PAPPA: variants seen among roughly 807,000 people sequenced by gnomAD.
The protein encoded by PAPPA is pappalysin-1.
Under a neutral mutation model 164.0 loss-of-function variants are expected in PAPPA, and 60 were observed. The observed-to-expected ratio is 0.37, with a 90% CI of 0.30 to 0.45. The LOEUF (loss-of-function observed/expected upper bound fraction) is 0.45. Among genes scored for constraint, PAPPA ranks in the 20% least tolerant of loss-of-function variants. PAPPA has a pLI of 1.00. For missense variants in PAPPA, 1,782 were observed against 2,087.3 expected (o/e 0.85, Z 2.85); for synonymous variants, 875 against 814.1 (o/e 1.07, Z -1.27).
chr9:116,154,730 CG>C lies in PAPPA; in HGVS notation c.415+146del. 2.6e-6 allele frequency: 2 copies of C among 764,250 alleles called. No individual in the cohort carries two copies. The highest frequency in any genetic ancestry group is 1.6e-6 in the Non-Finnish European group (1 of 620,814). The allele number at this position is 764,250 out of a possible 1,614,324, so 47.3% of individuals were successfully genotyped here. Reference sequence around the variant, plus strand: ...GCCCCGCGAGCGGCGCAGAGACATCCGGGCGAGCTGAGAGCCTCACTTTGCT... The same window carrying C: ...GCCCCGCGAGCGGCGCAGAGACATCCGGCGAGCTGAGAGCCTCACTTTGCT... On this transcript the variant is annotated intron_variant, in intron 1 of 21. Coordinates refer to ENST00000328252, the MANE Select transcript of PAPPA (RefSeq NM_002581.5). The surrounding 1 kb of genome is among the most constrained non-coding windows in gnomAD (Gnocchi z 5.2).
At chr9:116,210,865 T>C (rs1020100018) in intron 3 of PAPPA, among the ~76,000 whole-genome samples, 6 of 152,212 alleles carry the variant, frequency 3.9e-5, no homozygotes, top group Non-Finnish European at 8.8e-5. Flanking sequence ...TCAAGTGATG[T>C]ACTTGATGTA....
intron 13 of PAPPA, among the ~76,000 whole-genome samples, chr9:116,339,708 C>T (rs925700493): frequency 1.3e-5 from 2 of 152,146 alleles, no homozygotes; most frequent in African/African-American, 2.4e-5. Context: ...TTCCCTGTGG[C>T]ATAATTGCAG....
intron 18 of PAPPA, among the ~76,000 whole-genome samples, chr9:116,363,617 T>C (rs1217458096): frequency 6.6e-6 from 1 of 152,214 alleles, no homozygotes; most frequent in Admixed American, 6.5e-5. Context: ...GATTCCCTAA[T>C]TGACCATGAT....
In PAPPA at chr9:116,343,216, C is replaced by A. The variant is rs1388329619; in HGVS notation, c.3612-1327C>A. ...TATATAAGCAATCAGCAAATAGTAA[C>A]TAATGTTATTGAGTGCTTGCCTAAC... is the stretch of plus-strand genomic sequence containing the variant. On this transcript the variant is annotated intron_variant, in intron 13 of 21. Transcript: ENST00000328252. 9.2e-5 allele frequency among the ~76,000 whole-genome samples: 14 copies of A among 152,134 alleles called. 1 individual carries two copies. The highest frequency in any genetic ancestry group is 9.2e-4 in the Admixed American group (14 of 15,280).
chr9:116,285,222 TG>T (rs1361053041), intron 9 of PAPPA, among the ~76,000 whole-genome samples: 19 of 127,544 alleles, frequency 1.5e-4, no homozygotes, highest in Non-Finnish European at 2.4e-4. Context: ...CAGGCCAGAG[TG>T]CAGTGGCACT....
At chr9:116,274,522 C>T (rs1373866804) in intron 9 of PAPPA, among the ~76,000 whole-genome samples, 2 of 152,196 alleles carry the variant, frequency 1.3e-5, no homozygotes, top group East Asian at 1.9e-4. Flanking sequence ...TGACATTGTT[C>T]CCATGATTGC....
At chr9:116,205,628 C>A (rs1319362320) in intron 2 of PAPPA, among the ~76,000 whole-genome samples, 2 of 152,102 alleles carry the variant, frequency 1.3e-5, no homozygotes, top group Non-Finnish European at 2.9e-5. Flanking sequence ...TTGGCCTTGT[C>A]TCCAGTTGTG....
At chr9:116,192,592 C>T (rs1394648527) in intron 2 of PAPPA, among the ~76,000 whole-genome samples, 1 of 152,146 alleles carries the variant, frequency 6.6e-6, no homozygotes, top group Non-Finnish European at 1.5e-5. Flanking sequence ...AAGTCAACAC[C>T]CCACTGCAAT....
chr9:116,371,244 C>A (rs1429720481), intron 19 of PAPPA, among the ~76,000 whole-genome samples: 1 of 152,142 alleles, frequency 6.6e-6, no homozygotes, highest in East Asian at 1.9e-4. Context: ...TGGTGAAACC[C>A]CGTCTCTACT....
intron 9 of PAPPA, among the ~76,000 whole-genome samples, chr9:116,276,103 G>A (rs939977410): frequency 6.6e-6 from 1 of 152,126 alleles, no homozygotes; most frequent in African/African-American, 2.4e-5. Flanking sequence ...GTGAAAAAAT[G>A]TGGTATCAGT....
rs755699620 is a variant in PAPPA at position 116,353,858 on chromosome 9, C to T, written c.4347+65C>T. 2.9e-4 allele frequency: 371 copies of T among 1,274,910 alleles called. 1 individual carries two copies. The highest frequency in any genetic ancestry group is 3.7e-4 in the Admixed American group (18 of 49,252). The allele number at this position is 1,274,910 out of a possible 1,614,324, so 79.0% of individuals were successfully genotyped here. A position where few individuals can be genotyped will look rare whatever the true frequency, so the allele number is the denominator to read the frequency against. ...TTCCTTTCTGCTTACCAAAAACTAGCCTGTACTTCAGGAACCACTTTCTGC... is the reference window on the plus strand; with the variant it reads ...TTCCTTTCTGCTTACCAAAAACTAGTCTGTACTTCAGGAACCACTTTCTGC... On this transcript the variant is annotated intron_variant, in intron 17 of 21. Transcript: ENST00000328252.
rs984105812 is a variant in PAPPA at position 116,154,163 on chromosome 9, A to G, written c.-10A>G. 5 of 1,457,490 alleles carry G rather than the reference A, an allele frequency of 3.4e-6. No homozygotes were observed. The highest frequency in any genetic ancestry group is 4.2e-5 in the Admixed American group (2 of 48,084). 90.3% of individuals were successfully genotyped at this position (1,457,490 alleles called of 1,614,324 possible). A position where few individuals can be genotyped will look rare whatever the true frequency, so the allele number is the denominator to read the frequency against. ...CAGGGGCGAAGGGGGGGCGGGGGGA[A>G]CCGTCGGACATGCGGCTCTGGAGTT... On this transcript the variant is annotated 5_prime_UTR_variant, in exon 1 of 22. Coordinates refer to ENST00000328252, the MANE Select transcript of PAPPA (RefSeq NM_002581.5). The surrounding 1 kb of genome is among the most constrained non-coding windows in gnomAD (Gnocchi z 5.2).
At chr9:116,317,063 C>T (rs1845796279) in intron 10 of PAPPA, among the ~76,000 whole-genome samples, 1 of 151,952 alleles carries the variant, frequency 6.6e-6, no homozygotes, top group South Asian at 2.1e-4. Context: ...CTGGAACACA[C>T]AGATCTTAAT....
intron 17 of PAPPA, among the ~76,000 whole-genome samples, chr9:116,359,071 T>A (rs892923431): frequency 5.3e-5 from 8 of 152,184 alleles, no homozygotes; most frequent in Non-Finnish European, 8.8e-5. Context: ...TTAAAGAGCA[T>A]CCCCAAATCT....
intron 10 of PAPPA, among the ~76,000 whole-genome samples, chr9:116,323,795 C>T (rs1262016898): frequency 1.3e-5 from 2 of 152,166 alleles, no homozygotes; most frequent in African/African-American, 4.8e-5. Context: ...GCAGCATTCA[C>T]CTGAGAAGCT....
chr9:116,179,490 C>A (rs188294951), intron 1 of PAPPA, among the ~76,000 whole-genome samples: 73 of 152,330 alleles, frequency 4.8e-4, no homozygotes, highest in Non-Finnish European at 8.5e-4. Flanking sequence ...TGTCCAGAAC[C>A]CAGTATAACT....
At chr9:116,161,387 A>G (rs937653966) in intron 1 of PAPPA, among the ~76,000 whole-genome samples, 10 of 152,182 alleles carry the variant, frequency 6.6e-5, no homozygotes, top group Non-Finnish European at 7.3e-5. Flanking sequence ...TGTCAGGGGT[A>G]AAATAGCGAC....
chr9:116,342,255 C>T (rs1269883802), intron 13 of PAPPA, among the ~76,000 whole-genome samples: 4 of 152,162 alleles, frequency 2.6e-5, no homozygotes, highest in Admixed American at 2.6e-4. Context: ...TGAACAGATG[C>T]ATTGTTTAGT....
intron 21 of PAPPA, among the ~76,000 whole-genome samples, chr9:116,393,195 G>A (rs543598773): frequency 7.2e-5 from 11 of 152,216 alleles, no homozygotes; most frequent in Admixed American, 5.2e-4. Flanking sequence ...GACAGGGTCT[G>A]TGAAGAAATT....
Sources: gnomAD v4.1 joint callset for allele counts (sites outside exome capture counted in the v4.1 genomes callset) on GRCh38, gnomAD v4.1.1 for gene constraint, Gnocchi (gnomAD v3.1) non-coding constraint, MANE v1.5 for transcripts, NCBI Gene and HGNC (gene_info 2026-07-23, HGNC 2026-07-21) for gene names.